The following SRPK2 variants were observed in gnomAD, a reference collection of about 807,000 sequenced individuals.
SRPK2 encodes SRSF protein kinase 2.
Under a neutral mutation model 90.8 loss-of-function variants are expected in SRPK2, and 21 were observed. The ratio of observed to expected loss-of-function variants is 0.23; its 90% CI spans 0.16 to 0.33. The LOEUF (loss-of-function observed/expected upper bound fraction) is 0.33. Ranked by LOEUF, SRPK2 falls within the 10% of genes least tolerant of loss-of-function variation. SRPK2 has a pLI of 1.00. For missense variants in SRPK2, 620 were observed against 869.0 expected, an observed-to-expected ratio of 0.71 and a Z score of 3.60; for synonymous variants, 288 against 311.1, an observed-to-expected ratio of 0.93 and a Z score of 0.78.
At chr7:105,254,869 T>C (rs563118760) in intron 2 of SRPK2, among the ~76,000 whole-genome samples, 1 of 151,314 alleles carries the variant, frequency 6.6e-6, no homozygotes, top group Non-Finnish European at 1.5e-5. Context: ...TTTGTATTTT[T>C]AGTAGAGATG....
chr7:105,293,070 C>T (rs572318423), intron 2 of SRPK2, among the ~76,000 whole-genome samples: 1 of 151,842 alleles, frequency 6.6e-6, no homozygotes, highest in Non-Finnish European at 1.5e-5. Flanking sequence ...GGGAGGGGGG[C>T]GCGGATCACC....
intron 2 of SRPK2, among the ~76,000 whole-genome samples, chr7:105,386,527 A>T (rs1246059828): frequency 6.6e-6 from 1 of 151,902 alleles, no homozygotes; most frequent in Admixed American, 6.6e-5. Flanking sequence ...CAGCCCGGCC[A>T]ACATGGTGAA....
chr7:105,150,180 A>AT (rs1478655010), intron 7 of SRPK2, among the ~76,000 whole-genome samples: 1 of 152,204 alleles, frequency 6.6e-6, no homozygotes, highest in Non-Finnish European at 1.5e-5. Context: ...GCCTTAGAAT[A>AT]TTTACTGTTT....
Position 105,203,701 on chromosome 7 carries a change from T to C in SRPK2, c.156A>G (p.Thr52=), listed in dbSNP as rs1795843103. ...GGATCTCCTCCTCTGGCTCCGGGGG[T>C]GTGGGGTCTGGCAAAGGTGGCGGTG... ...PPPPPPLPDP[T]PPEPEEEILG... The change falls in exon 3 of 16, where the codon ACA becomes ACG. Residue 52 remains threonine (T), a synonymous_variant. Transcript: ENST00000393651. The C allele has an allele frequency of 1.3e-6, 2 of 1,593,750 alleles. No individual in the cohort carries two copies. Among genetic ancestry groups the C allele is most frequent in the South Asian group, 1.1e-5 (1 of 87,524 alleles).
At chr7:105,137,081 A>G (rs1802943399) in intron 11 of SRPK2, among the ~76,000 whole-genome samples, 1 of 152,234 alleles carries the variant, frequency 6.6e-6, no homozygotes, top group Admixed American at 6.5e-5. Flanking sequence ...TGAGAAGGTG[A>G]CATTCAGGAG....
chr7:105,197,947 G>A (rs7801125), intron 3 of SRPK2, among the ~76,000 whole-genome samples: 5 of 152,202 alleles, frequency 3.3e-5, no homozygotes, highest in Non-Finnish European at 5.9e-5. Context: ...GATATTGCAA[G>A]GCAATGTTCC....
intron 4 of SRPK2, among the ~76,000 whole-genome samples, chr7:105,168,390 C>T (rs1393436563): frequency 6.6e-6 from 1 of 152,138 alleles, no homozygotes; most frequent in East Asian, 1.9e-4. Context: ...GTGTTTAGAT[C>T]TGGGTCACAT....
intron 15 of SRPK2, among the ~76,000 whole-genome samples, chr7:105,119,145 C>A (rs1375861732): frequency 6.6e-6 from 1 of 151,888 alleles, no homozygotes. Context: ...CATTCAAGCA[C>A]CTGCAGGGCA....
chr7:105,150,017 C>T (rs1404940881), intron 7 of SRPK2, among the ~76,000 whole-genome samples: 1 of 150,896 alleles, frequency 6.6e-6, no homozygotes, highest in Non-Finnish European at 1.5e-5. Flanking sequence ...CAATTCAGGA[C>T]AGGAAATGAG....
chr7:105,362,632 G>A (rs1049004669), intron 2 of SRPK2, among the ~76,000 whole-genome samples: 14 of 152,030 alleles, frequency 9.2e-5, no homozygotes, highest in African/African-American at 3.4e-4. Flanking sequence ...GTGGAAGACA[G>A]TGTGGTGATT....
intron 2 of SRPK2, among the ~76,000 whole-genome samples, chr7:105,292,727 C>T (rs1809224327): frequency 6.6e-6 from 1 of 152,158 alleles, no homozygotes; most frequent in African/African-American, 2.4e-5. Context: ...CATCTGTGTA[C>T]CCTTCTAATT....
intron 2 of SRPK2, among the ~76,000 whole-genome samples, chr7:105,283,979 GAGA>G (rs1563190586): frequency 6.6e-6 from 1 of 152,102 alleles, no homozygotes; most frequent in Non-Finnish European, 1.5e-5. Context: ...GACAGGCTGG[GAGA>G]CAGGGACCCT....
intron 1 of SRPK2, among the ~76,000 whole-genome samples, chr7:105,394,424 A>G (rs1822268221): frequency 6.6e-6 from 1 of 151,632 alleles, no homozygotes; most frequent in Non-Finnish European, 1.5e-5. Context: ...TACAGGCGTG[A>G]GCCACGCGCC....
chr7:105,389,418 A>G, upstream of SRPK2: 2 of 1,212,732 alleles, frequency 1.6e-6, no homozygotes. Context: ...GCACACGACC[A>G]AAAGCTGGGA....
intron 2 of SRPK2, among the ~76,000 whole-genome samples, chr7:105,368,839 C>T (rs1819375375): frequency 1.4e-5 from 2 of 143,152 alleles, no homozygotes; most frequent in South Asian, 4.7e-4. Flanking sequence ...GAGCTGAGAT[C>T]GTGCCACTGC....
intron 7 of SRPK2, among the ~76,000 whole-genome samples, chr7:105,153,989 G>T (rs1488967730): frequency 6.6e-6 from 1 of 152,200 alleles, no homozygotes; most frequent in Non-Finnish European, 1.5e-5. Context: ...TGAAAACCAA[G>T]ATGTTAAACT....
intron 2 of SRPK2, among the ~76,000 whole-genome samples, chr7:105,276,417 A>G (rs1453431801): frequency 6.6e-6 from 1 of 151,960 alleles, no homozygotes; most frequent in African/African-American, 2.4e-5. Flanking sequence ...CGTGCCTTAC[A>G]TTTATCTGGA....
chr7:105,117,826 T>A lies in SRPK2; in HGVS notation c.*12A>T. On this transcript the variant is annotated 3_prime_UTR_variant, in exon 16 of 16. Transcript: ENST00000393651. ...CATTTGCTAGCTCAGAATGCAATAT[T>A]GGTAGAATTTGCTAAGAATTCAACC... 8.7e-6 allele frequency: 14 copies of A among 1,612,154 alleles called. No homozygotes were observed. Among genetic ancestry groups the A allele is most frequent in the Non-Finnish European group, 1.2e-5 (14 of 1,179,902 alleles).
chr7:105,141,912 G>A, intron 11 of SRPK2, 96 bp downstream of exon 11: 3 of 1,401,616 alleles, frequency 2.1e-6, no homozygotes, highest in Non-Finnish European at 9.7e-7. Flanking sequence ...ACACACACAG[G>A]GCTTGGCCAC....
Sources: gnomAD v4.1 joint callset for allele counts (sites outside exome capture counted in the v4.1 genomes callset) on GRCh38, gnomAD v4.1.1 for gene constraint, MANE v1.5 for transcripts, NCBI Gene and HGNC (gene_info 2026-07-23, HGNC 2026-07-21) for gene names.